The following ZNF446 variants were observed in gnomAD, a reference collection of about 807,000 sequenced individuals.
ZNF446 encodes zinc finger protein 446, also known as zinc finger protein with KRAB and SCAN domains 20.
A neutral mutation model predicts 34.0 loss-of-function variants in ZNF446; 42 were observed. The ratio of observed to expected loss-of-function variants is 1.23; its 90% CI spans 0.96 to 1.60. The LOEUF (loss-of-function observed/expected upper bound fraction) is 1.60. Ranked by LOEUF, ZNF446 falls within the 40% of genes most tolerant of loss-of-function variation. The pLI is 0.00. For missense variants in ZNF446, 650 were observed against 600.2 expected (o/e 1.08, Z -0.87); for synonymous variants, 315 against 251.0 (o/e 1.25, Z -2.41).
intron 3 of ZNF446, 90 bp downstream of exon 3, chr19:58,477,916 A>G: frequency 1.4e-6 from 2 of 1,389,262 alleles, no homozygotes; most frequent in Non-Finnish European, 1.9e-6. Flanking sequence ...GAGGTGTGTC[A>G]AGGCTGGGAC....
chr19:58,483,180 C>CA (rs11334915), downstream of ZNF446, among the ~76,000 whole-genome samples: 316 of 138,232 alleles, frequency 2.3e-3, no homozygotes, highest in East Asian at 0.014. Context: ...ACCTTGTCTC[C>CA]AAAAAAAAAA....
chr19:58,482,850 C>T (rs1157119283), downstream of ZNF446, among the ~76,000 whole-genome samples: 1 of 152,124 alleles, frequency 6.6e-6, no homozygotes, highest in Non-Finnish European at 1.5e-5. Context: ...CAGCTAGGCC[C>T]CAGCCCAGAA....
At chr19:58,482,784 G>A (rs1337856565), downstream of ZNF446, among the ~76,000 whole-genome samples, 1 of 152,158 alleles carries the variant, frequency 6.6e-6, no homozygotes, top group African/African-American at 2.4e-5. Context: ...GCAAGCAGGA[G>A]GCGAGAGCTG....
intron 4 of ZNF446, 107 bp from the exon 5 acceptor site, chr19:58,479,536 G>A: frequency 8.6e-7 from 1 of 1,162,256 alleles, no homozygotes; most frequent in South Asian, 1.5e-5. Context: ...AGGGGCAGAT[G>A]AGGCGTAGGT....
chr19:58,477,084 T>G (rs550405455), intron 1 of ZNF446, 95 bp from the exon 2 acceptor site: 13 of 746,466 alleles, frequency 1.7e-5, no homozygotes, highest in Non-Finnish European at 2.7e-5. Context: ...CAGAGTACAC[T>G]TGGTCCTGGT....
rs372548948 is a variant in ZNF446, at chr19:58,477,340, G to A, written c.122G>A (p.Arg41Gln). 3.1e-6 allele frequency: 5 copies of A among 1,613,264 alleles called. No homozygotes were observed. Among genetic ancestry groups the A allele is most frequent in the South Asian group, 1.1e-5 (1 of 91,084 alleles). Reference protein sequence around the residue: ...GFCYQEVAGPREALARLRELC... With the variant: ...GFCYQEVAGPQEALARLRELC... ...TGCTACCAGGAGGTGGCAGGTCCCC[G>A]AGAAGCCCTGGCCCGGCTGCGTGAG... Residue 41 changes from arginine (R) to glutamine (Q), a missense_variant, in exon 2 of 7, where the codon CGA becomes CAA. By Grantham distance (43) the Arg-to-Gln change is conservative. Transcript: ENST00000594369.
intron 3 of ZNF446, 92 bp from the exon 4 acceptor site, chr19:58,477,995 C>T (rs978476518): frequency 1.2e-5 from 17 of 1,369,362 alleles, no homozygotes; most frequent in East Asian, 2.3e-5. Context: ...GGGCTGGCTA[C>T]GTGCCATGTC....
rs1262301639 is a variant in ZNF446, at chr19:58,479,897, C to A, written c.713-33C>A. 7 of 1,529,820 alleles carry A rather than the reference C, an allele frequency of 4.6e-6. No homozygotes were observed. In the Admixed American group the frequency reaches 5.8e-5, roughly 13 times the overall value. 94.8% of individuals were successfully genotyped at this position (1,529,820 alleles called of 1,614,324 possible). A position where few individuals can be genotyped will look rare whatever the true frequency, so the allele number is the denominator to read the frequency against. ...CGACCCCACCCCTCCTTCATGCAAA[C>A]CCCATGCCTAACTGTGCCCCCCACC... On this transcript the variant is annotated intron_variant, in intron 5 of 6. Transcript: ENST00000594369.
rs2053126963 is a variant in ZNF446, at chr19:58,480,295, A to G, written c.922A>G (p.Thr308Ala). 1.3e-6 allele frequency: 2 copies of G among 1,577,930 alleles called. No homozygotes were observed. The highest frequency in any genetic ancestry group is 1.7e-6 in the Non-Finnish European group (2 of 1,163,244). The change falls in exon 7 of 7, where the codon ACA becomes GCA. Residue 308 changes from threonine to alanine, a missense_variant. Coordinates refer to ENST00000594369, the MANE Select transcript of ZNF446 (RefSeq NM_017908.4). The surrounding 1 kb of genome is among the most constrained non-coding windows in gnomAD (Gnocchi z 7.2). ...ATPAPTVRPG[T>A]PPVPTQPTPA... ...TCCTGCCCCCACTGTGCGCCCAGGGACACCGCCAGTGCCCACTCAGCCCAC... is the reference window on the plus strand; with the variant it reads ...TCCTGCCCCCACTGTGCGCCCAGGGGCACCGCCAGTGCCCACTCAGCCCAC...
rs868419441 is a variant in ZNF446, at chr19:58,477,996, G to T, written c.533-91G>T. 2.2e-6 allele frequency: 3 copies of T among 1,381,426 alleles called. No individual in the cohort carries two copies. The Admixed American group carries it at 6.4e-5, about 30-fold the overall frequency. 85.6% of individuals were successfully genotyped at this position (1,381,426 alleles called of 1,614,324 possible). A position where few individuals can be genotyped will look rare whatever the true frequency, so the allele number is the denominator to read the frequency against. ...GAGGCAGGAGCCAAGGGCTGGCTAC[G>T]TGCCATGTCACACAGCAGAGGAGCT... On this transcript the variant is annotated intron_variant, in intron 3 of 6. Coordinates refer to ENST00000594369, the MANE Select transcript of ZNF446 (RefSeq NM_017908.4).
In ZNF446 at chr19:58,478,147, C is replaced by T. The variant is rs1342555621; in HGVS notation, c.593C>T (p.Pro198Leu). The stretch of plus-strand genomic sequence containing the variant: ...GAGGGGAACCATGGACACCAAGAAC[C>T]AGCCTCCACATCCTTCCACCCACCC... Reference protein sequence around the residue: ...SPEGNHGHQEPASTSFHPPRI... With the variant: ...SPEGNHGHQELASTSFHPPRI... Residue 198 changes from proline to leucine, a missense_variant, in exon 4 of 7, where the codon CCA becomes CTA. Transcript: ENST00000594369. 9 of 1,613,950 alleles carry T rather than the reference C, an allele frequency of 5.6e-6. No individual in the cohort carries two copies. Among genetic ancestry groups the T allele is most frequent in the Non-Finnish European group, 7.6e-6 (9 of 1,179,956 alleles).
At chr19:58,487,745 G>C in the ZNF446 span, among the ~76,000 whole-genome samples, 1 of 152,176 alleles carries the variant, frequency 6.6e-6, no homozygotes, top group Non-Finnish European at 1.5e-5. Context: ...GGAGGTGGAG[G>C]TTGCAGTGAG....
At chr19:58,477,874 G>T (rs770120802) in intron 3 of ZNF446, 48 bp downstream of exon 3, 2 of 1,472,688 alleles carry the variant, frequency 1.4e-6, no homozygotes, top group Non-Finnish European at 1.8e-6. Context: ...GAGGAAGTGT[G>T]GACATTCCTG....
intron 1 of ZNF446, among the ~76,000 whole-genome samples, chr19:58,476,886 CTT>C (rs1183301200): frequency 1.3e-5 from 2 of 152,182 alleles, no homozygotes; most frequent in Non-Finnish European, 2.9e-5. Context: ...TTCTCCACCT[CTT>C]TAGCGTCATC....
At position 58,480,363 on chromosome 19, in the gene ZNF446, G is replaced by T; in HGVS notation, c.990G>T (p.Lys330Asn). Reference protein sequence around the residue: ...TRLEPAATPRKPYTCEQCGRG... With the variant: ...TRLEPAATPRNPYTCEQCGRG... ...TGGAGCCGGCTGCCACCCCCAGGAA[G>T]CCCTACACGTGCGAGCAGTGTGGCC... The change falls in exon 7 of 7, where the codon AAG becomes AAT. Residue 330 changes from lysine (K) to asparagine (N), a missense_variant. Physicochemically the swap from Lys to Asn is moderately conservative, Grantham distance 94. Transcript: ENST00000594369. This position sits in a 1 kb window ranked among gnomAD's most constrained non-coding sequence, Gnocchi z 7.2. 3 of 1,606,162 alleles carry T rather than the reference G, an allele frequency of 1.9e-6. No homozygotes were observed. Among genetic ancestry groups the T allele is most frequent in the Non-Finnish European group, 2.5e-6 (3 of 1,177,204 alleles).
intron 1 of ZNF446, among the ~76,000 whole-genome samples, chr19:58,476,839 T>C (rs1016925511): frequency 2.0e-5 from 3 of 152,052 alleles, no homozygotes; most frequent in East Asian, 1.9e-4. Flanking sequence ...ACACTGTGGC[T>C]CCTCAGCCTG....
chr19:58,477,135 G>A lies in ZNF446; in HGVS notation c.-40-44G>A, dbSNP rs576384744. 3 of 1,280,404 alleles carry A rather than the reference G, an allele frequency of 2.3e-6. No homozygotes were observed. The South Asian group carries it at 4.3e-5, about 18-fold the overall frequency. 79.3% of individuals were successfully genotyped at this position (1,280,404 alleles called of 1,614,324 possible). On this transcript the variant is annotated intron_variant, in intron 1 of 6. Transcript: ENST00000594369. The stretch of plus-strand genomic sequence containing the variant: ...TGAGCCTGGTGTCTGCCTTCCCCTG[G>A]CCAGATTCTCTTGGCTGACATTCCG...
downstream of ZNF446, among the ~76,000 whole-genome samples, chr19:58,485,344 A>G (rs910660314): frequency 1.4e-5 from 2 of 141,342 alleles, no homozygotes; most frequent in African/African-American, 5.4e-5. Context: ...TACTAAAAAT[A>G]CAAAAAAAAA....
At chr19:58,477,118 G>C (rs2053093275) in intron 1 of ZNF446, 61 bp from the exon 2 acceptor site, 4 of 1,063,426 alleles carry the variant, frequency 3.8e-6, no homozygotes, top group Non-Finnish European at 5.4e-6. Context: ...GCTGAGCCTG[G>C]TGTCTGCCTT....
Sources: gnomAD v4.1 joint callset for allele counts (sites outside exome capture counted in the v4.1 genomes callset) on GRCh38, gnomAD v4.1.1 for gene constraint, Gnocchi (gnomAD v3.1) non-coding constraint, MANE v1.5 for transcripts, NCBI Gene and HGNC (gene_info 2026-07-23, HGNC 2026-07-21) for gene names.